SLC29A3: variants seen among roughly 807,000 people sequenced by gnomAD.
SLC29A3 encodes the protein equilibrative nucleoside transporter 3.
A neutral mutation model predicts 25.4 loss-of-function variants in SLC29A3; 18 were observed. The observed-to-expected ratio is 0.71, with a 90% confidence interval of 0.49 to 1.05. The LOEUF (loss-of-function observed/expected upper bound fraction) is 1.05, where lower values mean the gene tolerates loss of function less well. Among genes scored for constraint, SLC29A3 ranks in the 50% least tolerant of loss-of-function variants. The pLI, the probability that SLC29A3 is intolerant of heterozygous loss-of-function variation, is 0.00. For synonymous variants in SLC29A3, 258 were observed against 267.1 expected (o/e 0.97, Z 0.33); for missense variants, 586 against 609.0 (o/e 0.96, Z 0.40).
At chr10:71,332,141 TTC>T (rs1238764934) in intron 2 of SLC29A3, among the ~76,000 whole-genome samples, 1 of 140,592 alleles carries the variant, frequency 7.1e-6, no homozygotes, top group Non-Finnish European at 1.6e-5. Context: ...TCTTTTCTTT[TTC>T]TTTTTTTTCT....
intron 3 of SLC29A3, among the ~76,000 whole-genome samples, chr10:71,373,429 C>T (rs563053373): frequency 1.0e-3 from 158 of 152,280 alleles, no homozygotes; most frequent in Non-Finnish European, 1.9e-3. Context: ...ACCTCAGGCT[C>T]TGCCCTGTTG....
chr10:71,373,690 G>T (rs1847228591), intron 3 of SLC29A3, among the ~76,000 whole-genome samples: 1 of 152,172 alleles, frequency 6.6e-6, no homozygotes. Context: ...AGGACCAAAG[G>T]GACATGATAA....
At chr10:71,334,367 G>C (rs2131812179) in intron 2 of SLC29A3, among the ~76,000 whole-genome samples, 1 of 152,318 alleles carries the variant, frequency 6.6e-6, no homozygotes, top group South Asian at 2.1e-4. Context: ...TTTGGCCCGG[G>C]GGTAACCCGC....
At position 71,362,094 on chromosome 10, in the gene SLC29A3, C is replaced by T. The variant is rs201088617; in HGVS notation, c.914C>T (p.Thr305Met). ...TPPLRPILKK[T>M]ASLGFCVTYV... is the part of the protein sequence containing the mutation. The stretch of plus-strand genomic sequence containing the variant: ...CCTCTCCGCCCCATCCTGAAGAAGA[C>T]GGCCAGCCTGGGCTTCTGTGTCACC... The change falls in exon 6 of 6, where the codon ACG (threonine) becomes ATG (methionine). Residue 305 changes from threonine (T) to methionine (M), a missense_variant. Transcript: ENST00000373189. The T allele has an allele frequency of 1.7e-4, 274 of 1,614,042 alleles. No individual in the cohort carries two copies. The highest frequency in any genetic ancestry group is 2.1e-4 in the Non-Finnish European group (247 of 1,180,028).
intron 5 of SLC29A3, among the ~76,000 whole-genome samples, chr10:71,358,529 C>T (rs1846974968): frequency 6.6e-6 from 1 of 152,208 alleles, no homozygotes; most frequent in African/African-American, 2.4e-5. Context: ...CTTCCTGTGC[C>T]CTGGCTGGCT....
chr10:71,376,361 T>G (rs1193211699), intron 4 of SLC29A3, among the ~76,000 whole-genome samples: 1 of 150,064 alleles, frequency 6.7e-6, no homozygotes, highest in Non-Finnish European at 1.5e-5. Flanking sequence ...GCTCTGGACT[T>G]GACTAGCCTG....
chr10:71,380,435 C>G (rs1490079058), exon 5 of SLC29A3: 1 of 152,144 alleles, frequency 6.6e-6, no homozygotes, highest in African/African-American at 2.4e-5. Flanking sequence ...AGTCCTGCTC[C>G]CCTCCCCTGA....
At chr10:71,356,272 C>T (rs991171799) in intron 5 of SLC29A3, 29 bp downstream of exon 5, 2 of 1,610,116 alleles carry the variant, frequency 1.2e-6, no homozygotes, top group Non-Finnish European at 1.7e-6. Context: ...GTCCATGCCT[C>T]CTTCCTGTGT....
At chr10:71,345,267 A>G (rs6480514) in intron 3 of SLC29A3, among the ~76,000 whole-genome samples, 9,648 of 152,262 alleles carry the variant, frequency 0.063, 1,020 homozygotes, top group African/African-American at 0.22. Context: ...AGTACTTCTC[A>G]TGTTCTGGGG....
intron 2 of SLC29A3, among the ~76,000 whole-genome samples, chr10:71,341,168 C>T (rs1266311453): frequency 6.6e-6 from 1 of 152,176 alleles, no homozygotes; most frequent in African/African-American, 2.4e-5. Context: ...ACCCCTCTCA[C>T]AGCCACTGGT....
intron 4 of SLC29A3, among the ~76,000 whole-genome samples, chr10:71,377,931 C>G (rs1192715785): frequency 6.6e-6 from 1 of 151,940 alleles, no homozygotes; most frequent in Non-Finnish European, 1.5e-5. Context: ...TAGGGAGTGT[C>G]AGAGCTGGAA....
At chr10:71,356,268 G>A in intron 5 of SLC29A3, 25 bp downstream of exon 5, 2 of 1,610,776 alleles carry the variant, frequency 1.2e-6, no homozygotes, top group Non-Finnish European at 1.7e-6. Context: ...CACTGTCCAT[G>A]CCTCCTTCCT....
intron 3 of SLC29A3, among the ~76,000 whole-genome samples, chr10:71,345,937 CA>C (rs1189880309): frequency 1.3e-5 from 2 of 152,232 alleles, no homozygotes; most frequent in Non-Finnish European, 2.9e-5. Context: ...GCTGTTTGTC[CA>C]GCCCAGATAG....
downstream of SLC29A3, among the ~76,000 whole-genome samples, chr10:71,367,392 A>G (rs187307937): frequency 8.4e-4 from 128 of 152,250 alleles, no homozygotes; most frequent in African/African-American, 2.9e-3. Flanking sequence ...GTGTGAGTCA[A>G]CCTTCCTGAG....
At chr10:71,360,887 A>T (rs745328891) in intron 5 of SLC29A3, among the ~76,000 whole-genome samples, 38 of 152,316 alleles carry the variant, frequency 2.5e-4, no homozygotes, top group South Asian at 6.2e-4. Flanking sequence ...GTGTAGAAGG[A>T]TGGCCACAAG....
In SLC29A3 at chr10:71,363,081, G is replaced by T. The variant is rs1458145003; in HGVS notation, c.*473G>T. 1 of 451,188 alleles carries T rather than the reference G, an allele frequency of 2.2e-6. No homozygotes were observed. The highest frequency in any genetic ancestry group is 4.4e-6 in the Non-Finnish European group (1 of 224,818). The allele number at this position is 451,188 out of a possible 1,614,324, so 27.9% of individuals were successfully genotyped here. On this transcript the variant is annotated 3_prime_UTR_variant, in exon 6 of 6. Transcript: ENST00000373189. Reference sequence around the variant, plus strand: ...CCCTGGAATGGAAGTCCCCTGGCATGGTCAGTCCTCAGGCCCAAGACTCAA... The same window carrying T: ...CCCTGGAATGGAAGTCCCCTGGCATTGTCAGTCCTCAGGCCCAAGACTCAA...
At chr10:71,335,240 C>T (rs1846217128) in intron 2 of SLC29A3, among the ~76,000 whole-genome samples, 1 of 152,152 alleles carries the variant, frequency 6.6e-6, no homozygotes, top group South Asian at 2.1e-4. Context: ...CCCCAGAGCT[C>T]CCCAGTACCT....
At chr10:71,344,095 G>T in intron 2 of SLC29A3, 114 bp from the exon 3 acceptor site, 2 of 876,264 alleles carry the variant, frequency 2.3e-6, no homozygotes, top group South Asian at 2.6e-5. Flanking sequence ...GCTCCTGGGT[G>T]TCTGAAGACA....
chr10:71,354,671 T>G (rs1188997068), intron 4 of SLC29A3, among the ~76,000 whole-genome samples: 10 of 152,308 alleles, frequency 6.6e-5, no homozygotes, highest in Admixed American at 3.9e-4. Flanking sequence ...GGACCCAGCC[T>G]TCTTCCCACC....
Sources: gnomAD v4.1 joint callset for allele counts (sites outside exome capture counted in the v4.1 genomes callset) on GRCh38, gnomAD v4.1.1 for gene constraint, MANE v1.5 for transcripts, NCBI Gene and HGNC (gene_info 2026-07-23, HGNC 2026-07-21) for gene names.